PACS2: variants seen among roughly 807,000 people sequenced by gnomAD.
The protein encoded by PACS2 is phosphofurin acidic cluster sorting protein 2.
Under a neutral mutation model 113.0 loss-of-function variants are expected in PACS2, and 36 were observed. That is an observed-to-expected ratio of 0.32 (90% confidence interval 0.24 to 0.42). The LOEUF (loss-of-function observed/expected upper bound fraction) is 0.42. Among genes scored for constraint, PACS2 ranks in the 10% least tolerant of loss-of-function variants. PACS2 has a pLI of 1.00. For missense variants in PACS2, 1,015 were observed against 1,239.5 expected (o/e 0.82, Z 2.72); for synonymous variants, 589 against 536.1 (o/e 1.10, Z -1.36).
At chr14:105,328,103 A>G (rs1027532872) in intron 1 of PACS2, among the ~76,000 whole-genome samples, 1 of 152,266 alleles carries the variant, frequency 6.6e-6, no homozygotes, top group African/African-American at 2.4e-5. Context: ...TTCCCTGGGA[A>G]AATTTCCAGC....
In PACS2 at chr14:105,330,381, GA is replaced by G. The variant is rs372197941; in HGVS notation, c.119+15345del. ...GGTCCGTGTGTCCGTAGGAACGGGG[GA>G]CAGGAGGTTGTGAAGGGCGTGTGGG... On this transcript the variant is annotated intron_variant, in intron 1 of 24. Transcript: ENST00000447393. The surrounding 1 kb of genome is among the most constrained non-coding windows in gnomAD (Gnocchi z 6.9). Among the ~76,000 whole-genome samples the G allele has an allele frequency of 3.5e-4, 54 of 152,274 alleles. 1 individual carries two copies. Among genetic ancestry groups the G allele is most frequent in the African/African-American group, 1.3e-3 (54 of 41,538 alleles).
chr14:105,346,974 C>T (rs1215504411), intron 1 of PACS2, among the ~76,000 whole-genome samples: 2 of 21,074 alleles, frequency 9.5e-5, no homozygotes, highest in Non-Finnish European at 9.2e-5. Context: ...CCCACCACTG[C>T]ATGGCTCCCC....
chr14:105,387,225 T>C (rs2081206571), intron 19 of PACS2, among the ~76,000 whole-genome samples: 1 of 152,178 alleles, frequency 6.6e-6, no homozygotes, highest in Non-Finnish European at 1.5e-5. Context: ...ACAGCCCTTG[T>C]GACGGGGGAC....
At position 105,324,708 on chromosome 14, in the gene PACS2, C is replaced by T. The variant is rs1190686052; in HGVS notation, c.119+9671C>T. Among the ~76,000 whole-genome samples the T allele has an allele frequency of 3.3e-5, 5 of 152,144 alleles. No homozygotes were observed. Among genetic ancestry groups the T allele is most frequent in the South Asian group, 2.1e-4 (1 of 4,830 alleles). On this transcript the variant is annotated intron_variant, in intron 1 of 24. Coordinates refer to ENST00000447393, the MANE Select transcript of PACS2 (RefSeq NM_001100913.3). The surrounding 1 kb of genome is among the most constrained non-coding windows in gnomAD (Gnocchi z 4.7). ...CTCGAGGGCTCCGGCCTGTGGAGGC[C>T]GGTGGCGCCCCGTCTCACCCCACGG...
chr14:105,325,491 C>G (rs149933112), intron 1 of PACS2, among the ~76,000 whole-genome samples: 170 of 152,272 alleles, frequency 1.1e-3, no homozygotes, highest in African/African-American at 3.2e-3. Flanking sequence ...TGCTGTGTCT[C>G]GCATTTCTGT....
intron 4 of PACS2, among the ~76,000 whole-genome samples, chr14:105,362,105 A>G (rs587682381): frequency 1.0e-3 from 140 of 136,926 alleles, no homozygotes; most frequent in Non-Finnish European, 1.4e-3. Context: ...CTGGGCAACA[A>G]GAGTTAGAAT....
At chr14:105,333,553 T>C (rs1215694218) in intron 1 of PACS2, among the ~76,000 whole-genome samples, 1 of 152,198 alleles carries the variant, frequency 6.6e-6, no homozygotes, top group African/African-American at 2.4e-5. Context: ...CCCAGTGACA[T>C]GCAGTCTGGG....
chr14:105,377,989 C>A (rs1323116124), intron 9 of PACS2, among the ~76,000 whole-genome samples: 2 of 152,248 alleles, frequency 1.3e-5, no homozygotes, highest in African/African-American at 4.8e-5. Flanking sequence ...TGCCCTGCCG[C>A]CTGGTGGCCG....
In PACS2 at chr14:105,348,031, G is replaced by A. The variant is rs972355259; in HGVS notation, c.120-462G>A. On this transcript the variant is annotated intron_variant, in intron 1 of 24. Coordinates refer to ENST00000447393, the MANE Select transcript of PACS2 (RefSeq NM_001100913.3). This position sits in a 1 kb window ranked among gnomAD's most constrained non-coding sequence, Gnocchi z 6.4. ...AACAGAAGGAAGGTTGGGGGAAAGCGTATCCCAGCTATGGGCAGGGGGTCC... is the reference window on the plus strand; with the variant it reads ...AACAGAAGGAAGGTTGGGGGAAAGCATATCCCAGCTATGGGCAGGGGGTCC... 2.0e-5 allele frequency among the ~76,000 whole-genome samples: 3 copies of A among 152,078 alleles called. No individual in the cohort carries two copies. Among genetic ancestry groups the A allele is most frequent in the Non-Finnish European group, 2.9e-5 (2 of 68,028 alleles).
In PACS2 at chr14:105,385,706, CTT is replaced by C; in HGVS notation, c.2024_2025del (p.Phe675TyrfsTer5). 6.6e-7 allele frequency: 1 copy of C among 1,519,696 alleles called. No individual in the cohort carries two copies. The highest frequency in any genetic ancestry group is 8.8e-7 in the Non-Finnish European group (1 of 1,136,972). The allele number at this position is 1,519,696 out of a possible 1,614,324, so 94.1% of individuals were successfully genotyped here. On this transcript the variant is annotated frameshift_variant, in exon 19 of 25. Transcript: ENST00000447393. LOFTEE classifies it high-confidence loss of function. ...QKRKKHFHFD[F>X]TLSPDEESSQ... The stretch of plus-strand genomic sequence containing the variant: ...AAAGGAAAAAGCATTTTCATTTTGA[CTT>C]TACCCTAAGGTACGGCTCTGTGGGT...
chr14:105,369,218 C>A (rs2061060531), intron 7 of PACS2, among the ~76,000 whole-genome samples: 1 of 152,248 alleles, frequency 6.6e-6, no homozygotes, highest in African/African-American at 2.4e-5. Context: ...AAGCTGCTCC[C>A]AAAGTGGTGA....
chr14:105,394,543 C>G lies in PACS2; in HGVS notation c.2597-11C>G. 6.2e-7 allele frequency: 1 copy of G among 1,611,724 alleles called. No homozygotes were observed. The highest frequency in any genetic ancestry group is 8.5e-7 in the Non-Finnish European group (1 of 1,179,282). On this transcript the variant is annotated splice_polypyrimidine_tract_variant and intron_variant, in intron 24 of 24. Transcript: ENST00000447393. ...CAGGGGGGCAGGCGGTCAGGCAGCC[C>G]TCTCCCACAGTCCTCATCGACGGCG...
At chr14:105,305,051 C>G (rs1450020833) in intron 1 of PACS2, among the ~76,000 whole-genome samples, 1 of 152,158 alleles carries the variant, frequency 6.6e-6, no homozygotes, top group Non-Finnish European at 1.5e-5. Flanking sequence ...GAGGTGGGGC[C>G]TTTGGGAGAT....
In PACS2 at chr14:105,315,067, G is replaced by T; in HGVS notation, c.119+30G>T. ...GCGCCGCCCGCCGCGCTTTGTTCCC[G>T]CCGGGCACCTGCTGGGGGTGTCCTG... On this transcript the variant is annotated intron_variant, in intron 1 of 24. Coordinates refer to ENST00000447393, the MANE Select transcript of PACS2 (RefSeq NM_001100913.3). This position sits in a 1 kb window ranked among gnomAD's most constrained non-coding sequence, Gnocchi z 4.4. 1.8e-6 allele frequency: 2 copies of T among 1,132,754 alleles called. No individual in the cohort carries two copies. Among genetic ancestry groups the T allele is most frequent in the Non-Finnish European group, 2.2e-6 (2 of 916,978 alleles). The allele number at this position is 1,132,754 out of a possible 1,614,324, so 70.2% of individuals were successfully genotyped here.
In PACS2 at chr14:105,376,839, C is replaced by T. The variant is rs2080799211; in HGVS notation, c.873C>T (p.Asp291=). The change falls in exon 9 of 25, where the codon GAC becomes GAT. Residue 291 remains aspartate (D), a synonymous_variant. Transcript: ENST00000447393. This position sits in a 1 kb window ranked among gnomAD's most constrained non-coding sequence, Gnocchi z 4.7. ...EAEEDLDLLY[D]TLDMEHPSDS... ...AGGAGGACCTGGACCTCCTGTATGA[C>T]ACCCTGGACATGGAGCACCCCAGCG... 1 of 1,613,140 alleles carries T rather than the reference C, an allele frequency of 6.2e-7. No individual in the cohort carries two copies. The highest frequency in any genetic ancestry group is 8.5e-7 in the Non-Finnish European group (1 of 1,179,866).
rs587673018 is a variant in PACS2, at chr14:105,376,568, C to T, written c.802-200C>T. Among the ~76,000 whole-genome samples, 12 of 152,274 alleles carry T rather than the reference C, an allele frequency of 7.9e-5. No individual in the cohort carries two copies. Among genetic ancestry groups the T allele is most frequent in the Non-Finnish European group, 1.3e-4 (9 of 68,006 alleles). On this transcript the variant is annotated intron_variant, in intron 8 of 24. Coordinates refer to ENST00000447393, the MANE Select transcript of PACS2 (RefSeq NM_001100913.3). This position sits in a 1 kb window ranked among gnomAD's most constrained non-coding sequence, Gnocchi z 4.7. ...GGGAGGTGGAGGAATGCCACACGCA[C>T]CGGTACCTGGGGACCGGGGGTCCTC...
rs142729878 is a variant in PACS2 at position 105,317,337 on chromosome 14, C to T, written c.119+2300C>T. The stretch of plus-strand genomic sequence containing the variant: ...GTCTTTCTGGATGGGCAGGGCCTGT[C>T]TTAAGCATGTACCGCCAGCTACCAG... On this transcript the variant is annotated intron_variant, in intron 1 of 24. Coordinates refer to ENST00000447393, the MANE Select transcript of PACS2 (RefSeq NM_001100913.3). This position sits in a 1 kb window ranked among gnomAD's most constrained non-coding sequence, Gnocchi z 4.2. Among the ~76,000 whole-genome samples, 24 of 152,254 alleles carry T rather than the reference C, an allele frequency of 1.6e-4. 1 individual carries two copies. The highest frequency in any genetic ancestry group is 7.2e-4 in the Admixed American group (11 of 15,296).
intron 1 of PACS2, among the ~76,000 whole-genome samples, chr14:105,335,391 G>T (rs879704113): frequency 6.6e-6 from 1 of 151,634 alleles, no homozygotes; most frequent in Admixed American, 6.6e-5. Context: ...TGGCTCTGAC[G>T]CTGTGGCCGG....
At position 105,396,833 on chromosome 14, in the gene PACS2, A is replaced by G. The variant is rs148627133; in HGVS notation, c.*2161A>G. ...TTCCTGTTTCTTTCCCAAGGGTCACACTCAGTAGGGAGATGAAGGTGGAAA... is the reference window on the plus strand; with the variant it reads ...TTCCTGTTTCTTTCCCAAGGGTCACGCTCAGTAGGGAGATGAAGGTGGAAA... On this transcript the variant is annotated 3_prime_UTR_variant, in exon 25 of 25. Coordinates refer to ENST00000447393, the MANE Select transcript of PACS2 (RefSeq NM_001100913.3). The G allele has an allele frequency of 8.7e-3, 1,323 of 152,268 alleles. 4 individuals are homozygous for G. Among genetic ancestry groups the G allele is most frequent in the Non-Finnish European group, 0.013 (894 of 68,070 alleles). 9.4% of individuals were successfully genotyped at this position (152,268 alleles called of 1,614,324 possible).
Sources: allele counts gnomAD v4.1 joint callset (sites outside exome capture counted in the v4.1 genomes callset), GRCh38; gene constraint gnomAD v4.1.1; non-coding constraint Gnocchi (gnomAD v3.1); transcripts MANE v1.5; gene names NCBI Gene and HGNC (gene_info 2026-07-23, HGNC 2026-07-21).